The following KCNK3 variants were observed in gnomAD, a reference collection of about 807,000 sequenced individuals.
KCNK3 encodes potassium two pore domain channel subfamily K member 3.
In KCNK3, 9 loss-of-function variants were observed where a neutral mutation model predicts 27.3. That is an observed-to-expected ratio of 0.33 (90% confidence interval 0.20 to 0.57). The LOEUF is 0.57. KCNK3 is among the 20% of genes least tolerant of loss of function. The probability of loss-of-function intolerance (pLI) is 0.87; values close to 1 mark genes in which losing one functional copy is unlikely to be tolerated. For synonymous variants in KCNK3, 278 were observed against 273.8 expected, an observed-to-expected ratio of 1.02 and a Z score of -0.15; for missense variants, 391 against 577.7, an observed-to-expected ratio of 0.68 and a Z score of 3.31.
At chr2:26,726,493 C>A (rs987268723) in intron 1 of KCNK3, among the ~76,000 whole-genome samples, 10 of 152,080 alleles carry the variant, frequency 6.6e-5, no homozygotes, top group African/African-American at 2.4e-4. Flanking sequence ...GAAGAAAATG[C>A]CAGCGTCATT....
At chr2:26,700,837 G>A (rs1478585245) in intron 1 of KCNK3, among the ~76,000 whole-genome samples, 1 of 151,974 alleles carries the variant, frequency 6.6e-6, no homozygotes, top group Non-Finnish European at 1.5e-5. Context: ...CTGGCTCTGT[G>A]ATCATGGAAG....
At chr2:26,709,000 C>T (rs527646433) in intron 1 of KCNK3, among the ~76,000 whole-genome samples, 4 of 152,122 alleles carry the variant, frequency 2.6e-5, no homozygotes, top group African/African-American at 7.2e-5. Context: ...CTGATGGGTA[C>T]GATACATATG....
chr2:26,727,441 C>T (rs1315323283), intron 1 of KCNK3, among the ~76,000 whole-genome samples: 1 of 152,202 alleles, frequency 6.6e-6, no homozygotes, highest in Non-Finnish European at 1.5e-5. Context: ...GAAGTCATCC[C>T]TCCTTATTTC....
intron 1 of KCNK3, 89 bp from the exon 2 acceptor site, chr2:26,727,578 G>C: frequency 6.7e-7 from 1 of 1,498,996 alleles, no homozygotes; most frequent in Non-Finnish European, 8.9e-7. Flanking sequence ...GGTGGGGGAG[G>C]TGGCGGGGCA....
chr2:26,727,557 C>T, intron 1 of KCNK3, 110 bp from the exon 2 acceptor site: 1 of 1,431,796 alleles, frequency 7.0e-7, no homozygotes, highest in Non-Finnish European at 9.4e-7. Context: ...ACTGTGGACC[C>T]AGACCCACAA....
chr2:26,699,583 G>T (rs542250354), intron 1 of KCNK3, among the ~76,000 whole-genome samples: 1 of 152,374 alleles, frequency 6.6e-6, no homozygotes, highest in South Asian at 2.1e-4. Context: ...TTAAAAAAAT[G>T]TAGAAATGAT....
intron 1 of KCNK3, among the ~76,000 whole-genome samples, chr2:26,709,600 G>A (rs1288596575): frequency 6.6e-6 from 1 of 152,196 alleles, no homozygotes; most frequent in Admixed American, 6.5e-5. Flanking sequence ...CTTGCTCCAG[G>A]AGCGAGGGAA....
rs1553384394 is a variant in KCNK3 at position 26,699,253 on chromosome 2, GCC to G, written c.283+6096_283+6097del. On this transcript the variant is annotated intron_variant, in intron 1 of 1. Transcript: ENST00000302909. ...AGAAAGAAAGAAAGAAAGAAAGAAA[GCC>G]AGCCAAGGAGAAAGGTACACGGTGG... Among the ~76,000 whole-genome samples, 548 of 150,992 alleles carry G rather than the reference GCC, an allele frequency of 3.6e-3. 1 individual carries two copies. The highest frequency in any genetic ancestry group is 5.8e-3 in the Non-Finnish European group (393 of 67,606).
Position 26,728,228 on chromosome 2 carries a change from C to T in KCNK3, c.845C>T (p.Thr282Met), listed in dbSNP as rs746544523. 14 of 1,568,512 alleles carry T rather than the reference C, an allele frequency of 8.9e-6. No individual in the cohort carries two copies. The highest frequency in any genetic ancestry group is 1.2e-5 in the Non-Finnish European group (14 of 1,156,972). Residue 282 changes from threonine to methionine, a missense_variant, in exon 2 of 2, where the codon ACG becomes ATG. By Grantham distance (81) the Thr-to-Met change is moderately conservative. Transcript: ENST00000302909. ...GGAGGGGGTGGCAGCGCGCACACTA[C>T]GGACACCGCCTCATCCACGGCGGCA... ...GGGGGGSAHT[T>M]DTASSTAAAG...
intron 1 of KCNK3, among the ~76,000 whole-genome samples, chr2:26,715,685 C>T (rs750833543): frequency 1.3e-5 from 2 of 152,188 alleles, no homozygotes; most frequent in Admixed American, 1.3e-4. Context: ...CCCTGAGGGC[C>T]GGGAGGGTGT....
chr2:26,728,157 C>A lies in KCNK3; in HGVS notation c.774C>A (p.Ala258=), dbSNP rs1243931857. The part of the protein sequence containing the change: ...TMNAEDEKRD[A]EHRALLTRNG... ...ACGCCGAGGACGAGAAGCGCGACGCCGAGCACCGCGCGCTGCTCACGCGCA... is the reference window on the plus strand; with the variant it reads ...ACGCCGAGGACGAGAAGCGCGACGCAGAGCACCGCGCGCTGCTCACGCGCA... The change falls in exon 2 of 2, where the codon GCC becomes GCA. Residue 258 remains alanine (A), a synonymous_variant. Coordinates refer to ENST00000302909, the MANE Select transcript of KCNK3 (RefSeq NM_002246.3). 3.8e-6 allele frequency: 6 copies of A among 1,580,288 alleles called. No individual in the cohort carries two copies. Among genetic ancestry groups the A allele is most frequent in the Admixed American group, 1.8e-5 (1 of 54,848 alleles).
At chr2:26,694,441 G>A (rs1021696832) in intron 1 of KCNK3, among the ~76,000 whole-genome samples, 4 of 152,316 alleles carry the variant, frequency 2.6e-5, no homozygotes, top group African/African-American at 9.6e-5. Context: ...CAGGAGCTGA[G>A]GGAGTAAAAG....
At chr2:26,707,810 G>A (rs1018498997) in intron 1 of KCNK3, among the ~76,000 whole-genome samples, 1 of 152,176 alleles carries the variant, frequency 6.6e-6, no homozygotes, top group Admixed American at 6.5e-5. Context: ...CCAGATGAGG[G>A]GATGAGACCC....
chr2:26,727,607 G>C (rs1037356338), intron 1 of KCNK3, 60 bp from the exon 2 acceptor site: 18 of 1,513,070 alleles, frequency 1.2e-5, no homozygotes, highest in Admixed American at 6.8e-5. Context: ...GGAGAAGAAG[G>C]TTTCTGGAAG....
Position 26,731,543 on chromosome 2 carries a change from A to G in KCNK3, c.*2975A>G, listed in dbSNP as rs1572618767. ...CAGTGAGCTGAGATCGTGCCACTGC[A>G]CTCCAGCCTGAGCGACAGAGTGAGA... On this transcript the variant is annotated 3_prime_UTR_variant, in exon 2 of 2. Coordinates refer to ENST00000302909, the MANE Select transcript of KCNK3 (RefSeq NM_002246.3). 1 of 152,228 alleles carries G rather than the reference A, an allele frequency of 6.6e-6. No individual in the cohort carries two copies. Among genetic ancestry groups the G allele is most frequent in the South Asian group, 2.1e-4 (1 of 4,824 alleles). 9.4% of individuals were successfully genotyped at this position (152,228 alleles called of 1,614,324 possible).
chr2:26,699,174 T>A, intron 1 of KCNK3, among the ~76,000 whole-genome samples: 3 of 109,642 alleles, frequency 2.7e-5, no homozygotes, highest in Admixed American at 1.1e-4. Context: ...CAAGACTCCG[T>A]CTCAGAAAAA....
chr2:26,714,307 C>A (rs1663184758), intron 1 of KCNK3, among the ~76,000 whole-genome samples: 1 of 151,160 alleles, frequency 6.6e-6, no homozygotes, highest in Non-Finnish European at 1.5e-5. Context: ...AGGTCCAACT[C>A]AGGAGCTGCA....
intron 1 of KCNK3, among the ~76,000 whole-genome samples, chr2:26,711,358 A>G (rs1663106297): frequency 1.3e-5 from 2 of 152,082 alleles, no homozygotes; most frequent in Admixed American, 6.5e-5. Context: ...ACTCCCATAT[A>G]AACATGCTGC....
At chr2:26,711,609 T>G (rs184430965) in intron 1 of KCNK3, among the ~76,000 whole-genome samples, 10 of 152,322 alleles carry the variant, frequency 6.6e-5, no homozygotes, top group Non-Finnish European at 1.3e-4. Flanking sequence ...CTTGAGCAAC[T>G]GCTTGACCTC....
Sources: allele counts gnomAD v4.1 joint callset (sites outside exome capture counted in the v4.1 genomes callset), GRCh38; gene constraint gnomAD v4.1.1; transcripts MANE v1.5; gene names NCBI Gene and HGNC (gene_info 2026-07-23, HGNC 2026-07-21).